SENP1: variants seen among roughly 807,000 people sequenced by gnomAD.
The protein encoded by SENP1 is sentrin-specific protease 1.
A neutral mutation model predicts 93.0 loss-of-function variants in SENP1; 21 were observed. The ratio of observed to expected loss-of-function variants is 0.23; its 90% CI spans 0.16 to 0.33. SENP1 has a LOEUF of 0.33. SENP1 is among the 10% of genes least tolerant of loss of function. SENP1 has a pLI of 1.00. For synonymous variants in SENP1, 256 were observed against 259.6 expected (o/e 0.99, Z 0.13); for missense variants, 591 against 758.7 (o/e 0.78, Z 2.60).
chr12:48,080,986 C>A lies in SENP1; in HGVS notation c.552+2605G>T, dbSNP rs894975715. Among the ~76,000 whole-genome samples the A allele has an allele frequency of 1.5e-4, 23 of 152,286 alleles. 1 individual carries two copies. The highest frequency in any genetic ancestry group is 2.1e-4 in the South Asian group (1 of 4,824). ...TGGAAGGGTAAAATTGCCCAAGCAA[C>A]CCCCAGTCCTCAGGCTGGCAGAGGA... On this transcript the variant is annotated intron_variant, in intron 6 of 17. Transcript: ENST00000549518.
Position 48,065,323 on chromosome 12 carries a change from C to T in SENP1, c.1120-103G>A, listed in dbSNP as rs1462787836. 12 of 990,646 alleles carry T rather than the reference C, an allele frequency of 1.2e-5. No homozygotes were observed. The East Asian group carries it at 1.6e-4, about 13-fold the overall frequency. 61.4% of individuals were successfully genotyped at this position (990,646 alleles called of 1,614,324 possible). On this transcript the variant is annotated intron_variant, in intron 11 of 17. Transcript: ENST00000549518. ...AATAAACCTGTCATAAGTCAAAGAG[C>T]GTGCTTAAATGCCCATTGCTTTCGC...
chr12:48,074,188 A>G, intron 8 of SENP1, 136 bp downstream of exon 8: 1 of 757,892 alleles, frequency 1.3e-6, no homozygotes, highest in Non-Finnish European at 2.1e-6. Flanking sequence ...AGATTTTGGA[A>G]CATTTCGGAC....
rs774530017 is a variant in SENP1, at chr12:48,084,451, T to TG, written c.381-690_381-689insC. ...TCTAAGGCTTACTAATTTTGAGTTT[T>TG]TTTTTTTTTTTTTTTTGAGATGGAA... On this transcript the variant is annotated intron_variant, in intron 5 of 17. Transcript: ENST00000549518. Among the ~76,000 whole-genome samples, 231 of 114,096 alleles carry TG rather than the reference T, an allele frequency of 2.0e-3. 1 individual carries two copies. The highest frequency in any genetic ancestry group is 8.8e-3 in the African/African-American group (216 of 24,510). 74.9% of individuals were successfully genotyped at this position (114,096 alleles called of 152,430 possible).
At chr12:48,103,848 T>C (rs953399455) in intron 1 of SENP1, among the ~76,000 whole-genome samples, 7 of 152,118 alleles carry the variant, frequency 4.6e-5, no homozygotes, top group African/African-American at 1.7e-4. Flanking sequence ...GTGAAACACT[T>C]ATAACCTTAC....
chr12:48,102,491 GGTTAATAAA>G (rs1381773173), intron 1 of SENP1, among the ~76,000 whole-genome samples: 1 of 149,220 alleles, frequency 6.7e-6, no homozygotes, highest in African/African-American at 2.5e-5. Context: ...CTTGGAACTA[GGTTAATAAA>G]CATATCCTCG....
At chr12:48,097,192 G>C (rs1200998423) in intron 3 of SENP1, among the ~76,000 whole-genome samples, 2 of 152,106 alleles carry the variant, frequency 1.3e-5, no homozygotes, top group African/African-American at 4.8e-5. Flanking sequence ...TATTAAAAAG[G>C]TTGAGAAAAA....
chr12:48,094,515 AC>A (rs1478221772), intron 4 of SENP1, among the ~76,000 whole-genome samples: 2 of 152,050 alleles, frequency 1.3e-5, no homozygotes, highest in Admixed American at 6.5e-5. Context: ...CCCCATCTCT[AC>A]TAAAAGTACA....
rs910846284 is a variant in SENP1 at position 48,074,654 on chromosome 12, A to G, written c.656+36T>C. 1.9e-6 allele frequency: 3 copies of G among 1,607,490 alleles called. No homozygotes were observed. In the African/African-American group the frequency reaches 4.0e-5, roughly 21 times the overall value. On this transcript the variant is annotated intron_variant, in intron 7 of 17. Coordinates refer to ENST00000549518, the MANE Select transcript of SENP1 (RefSeq NM_001267594.2). ...TTCAATATCAAGTAATAAATTGTAG[A>G]ATTAAATTCATCTGAAATATGCTTC...
At chr12:48,056,174 T>A (rs28874041) in intron 13 of SENP1, among the ~76,000 whole-genome samples, 2 of 37,342 alleles carry the variant, frequency 5.4e-5, no homozygotes, top group African/African-American at 2.4e-4. Context: ...TATATTATTT[T>A]ATATATATTA....
intron 1 of SENP1, chr12:48,105,820 C>A: frequency 1.2e-5 from 7 of 595,138 alleles, no homozygotes; most frequent in Non-Finnish European, 2.1e-5. Context: ...GGTAGCCTAA[C>A]GGCCACCGGC....
intron 4 of SENP1, among the ~76,000 whole-genome samples, chr12:48,091,596 T>A (rs1487685975): frequency 6.6e-6 from 1 of 152,214 alleles, no homozygotes; most frequent in African/African-American, 2.4e-5. Flanking sequence ...TAATGTAACA[T>A]ATTTTCCAAA....
chr12:48,091,513 T>C (rs1450542389), intron 4 of SENP1, among the ~76,000 whole-genome samples: 2 of 152,168 alleles, frequency 1.3e-5, no homozygotes, highest in South Asian at 2.1e-4. Flanking sequence ...TACCAGTTGT[T>C]CCTGTTAACT....
At chr12:48,077,968 T>C (rs1297076241) in intron 6 of SENP1, among the ~76,000 whole-genome samples, 5 of 152,070 alleles carry the variant, frequency 3.3e-5, no homozygotes, top group Admixed American at 6.6e-5. Flanking sequence ...AAAAATAACA[T>C]TGGAATTTTG....
Position 48,088,821 on chromosome 12 carries a change from G to T in SENP1, c.360C>A (p.Leu120=), listed in dbSNP as rs751776557. Residue 120 remains leucine, a synonymous_variant, in exon 5 of 18, where the codon CTC becomes CTA. Transcript: ENST00000549518. ...CGAACCTTGAGGTCTTTCGGGTTTCGAGGTAAAGACTTCGGCTGTTTCTTG... is the reference window on the plus strand; with the variant it reads ...CGAACCTTGAGGTCTTTCGGGTTTCTAGGTAAAGACTTCGGCTGTTTCTTG... The part of the protein sequence containing the change: ...QKSRNSRSLY[L]ETRKTSSGLS... 3.7e-6 allele frequency: 6 copies of T among 1,609,788 alleles called. No homozygotes were observed. The highest frequency in any genetic ancestry group is 5.1e-6 in the Non-Finnish European group (6 of 1,178,000).
At chr12:48,046,016 C>T (rs1291107947) in intron 17 of SENP1, among the ~76,000 whole-genome samples, 2 of 152,126 alleles carry the variant, frequency 1.3e-5, no homozygotes, top group African/African-American at 4.8e-5. Flanking sequence ...TATTCCCAAA[C>T]CTGACTACTA....
intron 1 of SENP1, among the ~76,000 whole-genome samples, chr12:48,102,782 G>C (rs75224897): frequency 0.053 from 7,546 of 143,154 alleles, 275 homozygotes; most frequent in Non-Finnish European, 0.085. Flanking sequence ...CTGCACTCCA[G>C]CCTGGGCGAC....
chr12:48,080,145 C>T (rs930773834), intron 6 of SENP1: 5 of 152,180 alleles, frequency 3.3e-5, no homozygotes, highest in Non-Finnish European at 5.9e-5. Context: ...TCTATAACAG[C>T]ATTATCTAAC....
At chr12:48,100,502 ACG>A (rs199856917) in intron 2 of SENP1, among the ~76,000 whole-genome samples, 8,954 of 152,122 alleles carry the variant, frequency 0.059, 354 homozygotes, top group Non-Finnish European at 0.093. Context: ...TTGGCGGCGC[ACG>A]CATGTTTGTA....
intron 6 of SENP1, among the ~76,000 whole-genome samples, chr12:48,082,034 C>A (rs529031490): frequency 6.6e-6 from 1 of 152,032 alleles, no homozygotes; most frequent in Non-Finnish European, 1.5e-5. Context: ...GACTTACAGG[C>A]GCCCGCCACC....
Sources: allele counts gnomAD v4.1 joint callset (sites outside exome capture counted in the v4.1 genomes callset), GRCh38; gene constraint gnomAD v4.1.1; transcripts MANE v1.5; gene names NCBI Gene and HGNC (gene_info 2026-07-23, HGNC 2026-07-21).